Variants in MAPKBP1 observed in about 807,000 individuals in gnomAD.
The protein encoded by MAPKBP1 is mitogen-activated protein kinase-binding protein 1.
A neutral mutation model predicts 170.5 loss-of-function variants in MAPKBP1; 71 were observed. The observed-to-expected ratio is 0.42, with a 90% CI of 0.34 to 0.51. The LOEUF is 0.51. MAPKBP1 is among the 20% of genes least tolerant of loss of function. The pLI, the probability that MAPKBP1 is intolerant of heterozygous loss-of-function variation, is 0.06. For synonymous variants in MAPKBP1, 719 were observed against 757.9 expected (o/e 0.95, Z 0.84); for missense variants, 1,598 against 1,933.0 (o/e 0.83, Z 3.25).
intron 2 of MAPKBP1, among the ~76,000 whole-genome samples, chr15:41,776,662 G>C (rs1456992820): frequency 1.3e-5 from 2 of 152,206 alleles, no homozygotes; most frequent in African/African-American, 4.8e-5. Context: ...GCTTGGCAGT[G>C]ACCAGCACTG....
At chr15:41,809,108 C>G (rs2064757978) in intron 3 of MAPKBP1, among the ~76,000 whole-genome samples, 1 of 148,216 alleles carries the variant, frequency 6.7e-6, no homozygotes, top group African/African-American at 2.5e-5. Context: ...AGGGCTGAGC[C>G]AGGGTGGCAT....
rs1382221699 is a variant in MAPKBP1, at chr15:41,775,269, C to T, written c.-7C>T. 1.9e-6 allele frequency: 3 copies of T among 1,611,322 alleles called. No homozygotes were observed. Among genetic ancestry groups the T allele is most frequent in the Middle Eastern group, 1.7e-4 (1 of 6,052 alleles). Reference sequence around the variant, plus strand: ...CCGGGGACTGTCCCAAAGGGTTTCTCGTCATAATGGCTGTGGAAGGGTCAA... The same window carrying T: ...CCGGGGACTGTCCCAAAGGGTTTCTTGTCATAATGGCTGTGGAAGGGTCAA... On this transcript the variant is annotated 5_prime_UTR_variant, in exon 2 of 31. Transcript: ENST00000457542.
chr15:41,793,511 T>C (rs926296339), intron 2 of MAPKBP1, among the ~76,000 whole-genome samples: 1 of 152,232 alleles, frequency 6.6e-6, no homozygotes. Context: ...TGTTAATATG[T>C]AATGGGTTTA....
At chr15:41,797,323 A>T (rs955027269) in intron 2 of MAPKBP1, among the ~76,000 whole-genome samples, 1 of 152,204 alleles carries the variant, frequency 6.6e-6, no homozygotes, top group Non-Finnish European at 1.5e-5. Context: ...CCAGGAGAAA[A>T]TAAGAGTTGA....
intron 2 of MAPKBP1, among the ~76,000 whole-genome samples, chr15:41,786,961 G>A (rs780226257): frequency 1.2e-4 from 17 of 144,120 alleles, no homozygotes; most frequent in Admixed American, 1.4e-4. Flanking sequence ...TGCAGTGGCA[G>A]TATCTCCGCT....
intron 2 of MAPKBP1, among the ~76,000 whole-genome samples, chr15:41,779,315 A>G (rs1434617824): frequency 6.6e-6 from 1 of 152,118 alleles, no homozygotes; most frequent in East Asian, 1.9e-4. Context: ...GGTTCAAGCG[A>G]TTCTCCTGCC....
chr15:41,808,240 G>C (rs1440639682), intron 3 of MAPKBP1, among the ~76,000 whole-genome samples: 1 of 150,638 alleles, frequency 6.6e-6, no homozygotes, highest in Non-Finnish European at 1.5e-5. Flanking sequence ...CCCAGTAGCT[G>C]GGACTACAGG....
rs142978237 is a variant in MAPKBP1, at chr15:41,815,726, G to T, written c.1420G>T (p.Val474Leu). The change falls in exon 12 of 31, where the codon GTG (valine) becomes TTG (leucine). Residue 474 changes from valine to leucine, a missense_variant. Coordinates refer to ENST00000457542, the MANE Select transcript of MAPKBP1 (RefSeq NM_014994.3). ...TGATGCATCCCTGTTGGATCCCCGCGTGGGCATCCGCTCGGTGTGTGTCAG... is the reference window on the plus strand; with the variant it reads ...TGATGCATCCCTGTTGGATCCCCGCTTGGGCATCCGCTCGGTGTGTGTCAG... Reference protein sequence around the residue: ...KADASLLDPRVGIRSVCVSPN... With the variant: ...KADASLLDPRLGIRSVCVSPN... The T allele has an allele frequency of 2.5e-6, 4 of 1,614,210 alleles. No homozygotes were observed. The South Asian group carries it at 3.3e-5, about 13-fold the overall frequency.
At chr15:41,783,675 AACAG>A (rs2064228710) in intron 2 of MAPKBP1, among the ~76,000 whole-genome samples, 1 of 152,202 alleles carries the variant, frequency 6.6e-6, no homozygotes, top group East Asian at 1.9e-4. Flanking sequence ...TTGGATGGAG[AACAG>A]CCCATAGGCA....
At chr15:41,803,513 C>G (rs1054043393) in intron 3 of MAPKBP1, among the ~76,000 whole-genome samples, 1 of 150,698 alleles carries the variant, frequency 6.6e-6, no homozygotes, top group African/African-American at 2.4e-5. Flanking sequence ...TGAAACCAGC[C>G]TGGGCAACAT....
chr15:41,779,634 C>T (rs2064151709), intron 2 of MAPKBP1, among the ~76,000 whole-genome samples: 2 of 152,346 alleles, frequency 1.3e-5, no homozygotes, highest in East Asian at 1.9e-4. Context: ...CATGAGCCAC[C>T]ATGCCCAGCC....
At chr15:41,819,111 C>A (rs996240701) in intron 20 of MAPKBP1, 135 bp from the exon 21 acceptor site, 1 of 1,434,436 alleles carries the variant, frequency 7.0e-7, no homozygotes, top group African/African-American at 1.4e-5. Flanking sequence ...AGCCTCTTCC[C>A]CCTGTTGAGT....
Position 41,818,619 on chromosome 15 carries a change from T to TAA in MAPKBP1, c.2156+38_2156+39insAA. The TAA allele has an allele frequency of 6.3e-7, 1 of 1,580,110 alleles. No homozygotes were observed. The highest frequency in any genetic ancestry group is 8.7e-7 in the Non-Finnish European group (1 of 1,154,088). On this transcript the variant is annotated intron_variant, in intron 19 of 30. Coordinates refer to ENST00000457542, the MANE Select transcript of MAPKBP1 (RefSeq NM_014994.3). The surrounding 1 kb of genome is among the most constrained non-coding windows in gnomAD (Gnocchi z 5.2). ...CCAGCTTCCCTGAGAGGCAGATTCTTACTCTGCCACAGCACCCTGCCCTCC... is the reference window on the plus strand; with the variant it reads ...CCAGCTTCCCTGAGAGGCAGATTCTTAAACTCTGCCACAGCACCCTGCCCTCC...
At chr15:41,799,451 C>T (rs1200517441) in intron 2 of MAPKBP1, among the ~76,000 whole-genome samples, 2 of 152,170 alleles carry the variant, frequency 1.3e-5, no homozygotes, top group Admixed American at 1.3e-4. Flanking sequence ...AGTGGCCTCA[C>T]CCAAGTCTCA....
chr15:41,803,823 G>T (rs928667514), intron 3 of MAPKBP1, among the ~76,000 whole-genome samples: 81 of 152,232 alleles, frequency 5.3e-4, no homozygotes, highest in African/African-American at 1.8e-3. Flanking sequence ...TGTTAAAATG[G>T]CACAGAGTAG....
intron 2 of MAPKBP1, among the ~76,000 whole-genome samples, chr15:41,784,281 C>T (rs1329289960): frequency 2.0e-5 from 3 of 152,164 alleles, no homozygotes; most frequent in Non-Finnish European, 4.4e-5. Flanking sequence ...AAGGCCCGTA[C>T]AGCAGCTGTC....
At chr15:41,812,889 TG>T (rs767834927) in intron 7 of MAPKBP1, 29 bp from the exon 8 acceptor site, 1 of 1,567,282 alleles carries the variant, frequency 6.4e-7, no homozygotes, top group Non-Finnish European at 8.6e-7. Context: ...CTGGGGTGGA[TG>T]GGGGTGTAAC....
At chr15:41,781,752 A>G (rs1025610505) in intron 2 of MAPKBP1, among the ~76,000 whole-genome samples, 1 of 151,132 alleles carries the variant, frequency 6.6e-6, no homozygotes, top group Non-Finnish European at 1.5e-5. Context: ...TTTTTTTTCC[A>G]CTTTGTCAAA....
At chr15:41,783,768 G>C (rs1408391415) in intron 2 of MAPKBP1, among the ~76,000 whole-genome samples, 1 of 152,186 alleles carries the variant, frequency 6.6e-6, no homozygotes, top group Admixed American at 6.5e-5. Context: ...CCAGCACTTT[G>C]GGAGGCCGAG....
Sources: allele counts gnomAD v4.1 joint callset (sites outside exome capture counted in the v4.1 genomes callset), GRCh38; gene constraint gnomAD v4.1.1; non-coding constraint Gnocchi (gnomAD v3.1); transcripts MANE v1.5; gene names NCBI Gene and HGNC (gene_info 2026-07-23, HGNC 2026-07-21).